The following FGF2 variants were observed in gnomAD, a reference collection of about 807,000 sequenced individuals.
The protein encoded by FGF2 is fibroblast growth factor 2.
In FGF2, 13 loss-of-function variants were observed where a neutral mutation model predicts 15.9. The ratio of observed to expected loss-of-function variants is 0.82; its 90% CI spans 0.53 to 1.30. The LOEUF (loss-of-function observed/expected upper bound fraction) is 1.30. FGF2 is among the 50% of genes most tolerant of loss of function. The pLI is 0.00. For synonymous variants in FGF2, 90 were observed against 78.4 expected, an observed-to-expected ratio of 1.15 and a Z score of -0.78; for missense variants, 163 against 196.9, an observed-to-expected ratio of 0.83 and a Z score of 1.03.
intron 1 of FGF2, among the ~76,000 whole-genome samples, chr4:122,873,335 G>A (rs1043331087): frequency 1.1e-4 from 16 of 152,250 alleles, no homozygotes; most frequent in Admixed American, 9.8e-4. Flanking sequence ...ATTCTGCAAA[G>A]GCCCAGTGTA....
At chr4:122,867,110 T>C (rs1167357266) in intron 1 of FGF2, among the ~76,000 whole-genome samples, 1 of 152,214 alleles carries the variant, frequency 6.6e-6, no homozygotes, top group Non-Finnish European at 1.5e-5. Context: ...TAGACAAATC[T>C]ATACAGACAG....
At chr4:122,885,869 G>C (rs1727045291) in intron 2 of FGF2, among the ~76,000 whole-genome samples, 1 of 148,146 alleles carries the variant, frequency 6.8e-6, no homozygotes, top group Non-Finnish European at 1.5e-5. Context: ...GTACTGTTGA[G>C]GTATTTTTTA....
At chr4:122,826,710 G>A, upstream of FGF2, 1 of 1,256,324 alleles carries the variant, frequency 8.0e-7, no homozygotes, top group Non-Finnish European at 1.0e-6. Flanking sequence ...TCAGAGGCCG[G>A]CCCCAGAAAA....
At chr4:122,867,588 G>T (rs959650132) in intron 1 of FGF2, among the ~76,000 whole-genome samples, 1 of 152,062 alleles carries the variant, frequency 6.6e-6, no homozygotes, top group African/African-American at 2.4e-5. Flanking sequence ...CAAGTGATCT[G>T]CCTGCCAAGG....
intron 2 of FGF2, among the ~76,000 whole-genome samples, chr4:122,889,146 G>C (rs1727118337): frequency 6.6e-6 from 1 of 152,186 alleles, no homozygotes. Context: ...AAAGCACTGA[G>C]TTTTAAATTC....
intron 1 of FGF2, among the ~76,000 whole-genome samples, chr4:122,849,291 G>A (rs1285814040): frequency 1.3e-5 from 2 of 152,192 alleles, no homozygotes; most frequent in African/African-American, 4.8e-5. Flanking sequence ...ATGAGTTCAT[G>A]TCCTTTGCAG....
chr4:122,837,567 AT>A (rs148910910), intron 1 of FGF2, among the ~76,000 whole-genome samples: 66 of 149,244 alleles, frequency 4.4e-4, no homozygotes, highest in East Asian at 4.3e-3. Flanking sequence ...TCTTGCCTAG[AT>A]TTTTTTTTTA....
chr4:122,844,533 CT>C (rs1175238620), intron 1 of FGF2, among the ~76,000 whole-genome samples: 3 of 151,594 alleles, frequency 2.0e-5, no homozygotes, highest in Non-Finnish European at 4.4e-5. Context: ...CTTTCTTTTT[CT>C]TTTTTTCTTT....
Position 122,827,365 on chromosome 4 carries a change from C to A in FGF2, c.178+13C>A. 6.2e-7 allele frequency: 1 copy of A among 1,612,482 alleles called. No individual in the cohort carries two copies. Among genetic ancestry groups the A allele is most frequent in the Non-Finnish European group, 8.5e-7 (1 of 1,179,700 alleles). On this transcript the variant is annotated intron_variant, in intron 1 of 2. Coordinates refer to ENST00000644866, the MANE Select transcript of FGF2 (RefSeq NM_001361665.2). This position sits in a 1 kb window ranked among gnomAD's most constrained non-coding sequence, Gnocchi z 4.2. ...AGCGACCCTCACAGTGAGTGCCGAC[C>A]CGCTCTCTCCGCCTCATTTCCATTT...
At chr4:122,847,777 G>T (rs1726147105) in intron 1 of FGF2, among the ~76,000 whole-genome samples, 1 of 152,208 alleles carries the variant, frequency 6.6e-6, no homozygotes, top group African/African-American at 2.4e-5. Flanking sequence ...TAATGTTGTG[G>T]TTCAAGACCA....
chr4:122,858,769 C>A (rs1367683135), intron 1 of FGF2, among the ~76,000 whole-genome samples: 2 of 151,926 alleles, frequency 1.3e-5, no homozygotes. Flanking sequence ...AGTGCCTGGT[C>A]TTCAGCATTG....
chr4:122,843,303 G>T (rs308429), intron 1 of FGF2, among the ~76,000 whole-genome samples: 10,354 of 152,312 alleles, frequency 0.068, 615 homozygotes, highest in South Asian at 0.21. Flanking sequence ...GCAGGGCCAG[G>T]TCTGGCATGT....
chr4:122,832,609 T>G (rs78157737), intron 1 of FGF2, among the ~76,000 whole-genome samples: 1 of 152,212 alleles, frequency 6.6e-6, no homozygotes, highest in Non-Finnish European at 1.5e-5. Flanking sequence ...TGTTCTGTTT[T>G]ATTTTTGAGT....
chr4:122,834,184 G>T (rs557218158), intron 1 of FGF2, among the ~76,000 whole-genome samples: 1 of 152,320 alleles, frequency 6.6e-6, no homozygotes, highest in Non-Finnish European at 1.5e-5. Flanking sequence ...CCGAACAGGA[G>T]AGACCAGTCT....
Position 122,897,525 on chromosome 4 carries a change from G to T in FGF2, c.*5129G>T. ...TGTTCAGACTCAGTCGGAACAAATTGGAAAATTTAAATTTTTATTCTTAGC... is the reference window on the plus strand; with the variant it reads ...TGTTCAGACTCAGTCGGAACAAATTTGAAAATTTAAATTTTTATTCTTAGC... On this transcript the variant is annotated 3_prime_UTR_variant, in exon 3 of 3. Transcript: ENST00000644866. 1 of 870,384 alleles carries T rather than the reference G, an allele frequency of 1.1e-6. No individual in the cohort carries two copies. The highest frequency in any genetic ancestry group is 1.9e-6 in the Non-Finnish European group (1 of 522,720). The allele number at this position is 870,384 out of a possible 1,614,324, so 53.9% of individuals were successfully genotyped here.
chr4:122,845,704 C>CATAGAACTGAAGAGTT (rs1344501404), intron 1 of FGF2, among the ~76,000 whole-genome samples: 2 of 152,196 alleles, frequency 1.3e-5, no homozygotes, highest in African/African-American at 4.8e-5. Flanking sequence ...TCTCAGCCTT[C>CATAGAACTGAAGAGTT]ATAGAACTGA....
Position 122,893,216 on chromosome 4 carries a change from G to A in FGF2, c.*820G>A, listed in dbSNP as rs112477231. The A allele has an allele frequency of 1.2e-4, 197 of 1,602,020 alleles. 1 individual carries two copies. Among genetic ancestry groups the A allele is most frequent in the South Asian group, 1.1e-3 (101 of 89,450 alleles). ...AGTCTCTTCAAAAACTTCTCGAACC[G>A]CTGTGTCTCCTACGTAAAAAAAGAG... is the stretch of plus-strand genomic sequence containing the variant. On this transcript the variant is annotated 3_prime_UTR_variant, in exon 3 of 3. Coordinates refer to ENST00000644866, the MANE Select transcript of FGF2 (RefSeq NM_001361665.2).
At chr4:122,850,267 A>G (rs1726202105) in intron 1 of FGF2, among the ~76,000 whole-genome samples, 1 of 152,112 alleles carries the variant, frequency 6.6e-6, no homozygotes, top group Admixed American at 6.6e-5. Flanking sequence ...GTCTCAAAAA[A>G]AAAAAGAAAA....
In FGF2 at chr4:122,829,853, G is replaced by T. The variant is rs373235896; in HGVS notation, c.178+2501G>T. Among the ~76,000 whole-genome samples the T allele has an allele frequency of 4.6e-5, 7 of 152,262 alleles. 1 individual carries two copies. The South Asian group carries it at 1.0e-3, about 23-fold the overall frequency. ...CAACCTGGACATAAATTTAAGTACA[G>T]TATATTATTTTCTCACATATTGGAT... is the stretch of plus-strand genomic sequence containing the variant. On this transcript the variant is annotated intron_variant, in intron 1 of 2. Coordinates refer to ENST00000644866, the MANE Select transcript of FGF2 (RefSeq NM_001361665.2).
Sources: allele counts gnomAD v4.1 joint callset (sites outside exome capture counted in the v4.1 genomes callset), GRCh38; gene constraint gnomAD v4.1.1; non-coding constraint Gnocchi (gnomAD v3.1); transcripts MANE v1.5; gene names NCBI Gene and HGNC (gene_info 2026-07-23, HGNC 2026-07-21).